Variants in ATM observed in about 807,000 individuals in gnomAD.
ATM encodes ATM serine/threonine kinase, also known as serine-protein kinase ATM.
ATM carries 308 observed loss-of-function variants against 387.0 expected under a neutral mutation model. That is an observed-to-expected ratio of 0.80 (90% CI 0.73 to 0.87). ATM has a LOEUF of 0.87. Among genes scored for constraint, ATM ranks in the 40% least tolerant of loss-of-function variants. The probability of loss-of-function intolerance (pLI) is 0.00; values close to 1 mark genes in which losing one functional copy is unlikely to be tolerated. For synonymous variants in ATM, 1,156 were observed against 1,187.3 expected (o/e 0.97, Z 0.54); for missense variants, 3,312 against 3,560.9 (o/e 0.93, Z 1.78).
At chr11:108,276,895 G>C (rs906604349) in intron 22 of ATM, among the ~76,000 whole-genome samples, 1 of 152,186 alleles carries the variant, frequency 6.6e-6, no homozygotes, top group Non-Finnish European at 1.5e-5. Flanking sequence ...CGAGCGCTGT[G>C]CTGGGAGATC....
At position 108,368,415 on chromosome 11, in the gene ATM, A is replaced by G. The variant is rs918162167; in HGVS notation, c.*2907A>G. On this transcript the variant is annotated 3_prime_UTR_variant, in exon 63 of 63. Transcript: ENST00000675843. Reference sequence around the variant, plus strand: ...ATATTAATCATAGAATAGTTGTTGTATGCTAAGTCACTGACCCATATTATG... The same window carrying G: ...ATATTAATCATAGAATAGTTGTTGTGTGCTAAGTCACTGACCCATATTATG... The G allele has an allele frequency of 4.7e-6, 1 of 210,948 alleles. No homozygotes were observed. Among genetic ancestry groups the G allele is most frequent in the African/African-American group, 2.3e-5 (1 of 44,062 alleles). The allele number at this position is 210,948 out of a possible 1,614,324, so 13.1% of individuals were successfully genotyped here. A position where few individuals can be genotyped will look rare whatever the true frequency, so the allele number is the denominator to read the frequency against.
Position 108,247,120 on chromosome 11 carries a change from G to A in ATM, c.1058G>A (p.Cys353Tyr), listed in dbSNP as rs1591511538. 1 of 1,613,664 alleles carries A rather than the reference G, an allele frequency of 6.2e-7. No individual in the cohort carries two copies. Among genetic ancestry groups the A allele is most frequent in the Middle Eastern group, 1.7e-4 (1 of 6,056 alleles). ...ENLIELMADICHQVFNEDTRS... is the reference protein window; with the variant it reads ...ENLIELMADIYHQVFNEDTRS... The stretch of plus-strand genomic sequence containing the variant: ...TTGATTGAATTGATGGCAGATATCT[G>A]TCACCAGGTACAGTAAGTAGGTCAT... Residue 353 changes from cysteine to tyrosine, a missense_variant, in exon 8 of 63, where the codon TGT (cysteine) becomes TAT (tyrosine). By Grantham distance (194) the Cys-to-Tyr change is radical. This residue lies in a region of ATM where 1,791 missense variants were observed against 1,804.5 expected (regional missense o/e 0.99). Coordinates refer to ENST00000675843, the MANE Select transcript of ATM (RefSeq NM_000051.4).
At chr11:108,351,893 C>A (rs1177028548) in intron 59 of ATM, among the ~76,000 whole-genome samples, 2 of 152,158 alleles carry the variant, frequency 1.3e-5, no homozygotes, top group African/African-American at 4.8e-5. Context: ...TTCTGACTCA[C>A]TCCTTGGTGT....
At chr11:108,260,750 T>C (rs1357986696) in intron 16 of ATM, among the ~76,000 whole-genome samples, 4 of 151,866 alleles carry the variant, frequency 2.6e-5, no homozygotes, top group Non-Finnish European at 5.9e-5. Flanking sequence ...CACTAGGGAG[T>C]GCCAGACAGT....
rs758973253 is a variant in ATM, at chr11:108,366,087, G to T, written c.*579G>T. 13 of 186,082 alleles carry T rather than the reference G, an allele frequency of 7.0e-5. No homozygotes were observed. Among genetic ancestry groups the T allele is most frequent in the Non-Finnish European group, 1.1e-4 (10 of 89,046 alleles). The allele number at this position is 186,082 out of a possible 1,614,324, so 11.5% of individuals were successfully genotyped here. ...GGATTTTTCCTAGTAAGATCACTCA[G>T]TGTTACTAAATAATGAAGTTGTTAT... On this transcript the variant is annotated 3_prime_UTR_variant, in exon 63 of 63. Coordinates refer to ENST00000675843, the MANE Select transcript of ATM (RefSeq NM_000051.4).
At chr11:108,234,681 A>G (rs1020459238) in intron 4 of ATM, among the ~76,000 whole-genome samples, 1 of 152,056 alleles carries the variant, frequency 6.6e-6, no homozygotes, top group Non-Finnish European at 1.5e-5. Flanking sequence ...TCTATGAAAA[A>G]TTTAAAAAAT....
intron 61 of ATM, among the ~76,000 whole-genome samples, chr11:108,360,461 T>C (rs566438339): frequency 8.0e-6 from 1 of 124,296 alleles, no homozygotes; most frequent in Non-Finnish European, 1.7e-5. Context: ...CCAGCATCAT[T>C]CTGATACCAA....
chr11:108,242,091 C>T (rs1175972831), intron 5 of ATM, among the ~76,000 whole-genome samples: 1 of 151,558 alleles, frequency 6.6e-6, no homozygotes, highest in African/African-American at 2.4e-5. Context: ...CAAATCTAGC[C>T]TGGGCAGTGT....
At chr11:108,348,968 T>C (rs2137139090) in intron 59 of ATM, among the ~76,000 whole-genome samples, 1 of 152,214 alleles carries the variant, frequency 6.6e-6, no homozygotes, top group East Asian at 1.9e-4. Context: ...GAAAAAGAAG[T>C]GTGAATGTAA....
At position 108,327,651 on chromosome 11, in the gene ATM, C is replaced by T. The variant is rs769606850; in HGVS notation, c.6982C>T (p.Pro2328Ser). 3.1e-6 allele frequency: 5 copies of T among 1,613,446 alleles called. No homozygotes were observed. In the South Asian group the frequency reaches 5.5e-5, roughly 18 times the overall value. Residue 2328 changes from proline to serine, a missense_variant, in exon 48 of 63, where the codon CCC becomes TCC. Transcript: ENST00000675843. ...KLDASCAANN[P>S]SLKLTYTECL... ...TTTTGCCTTTCTTATACAGAACAAT[C>T]CCAGCCTAAAACTTACATACACAGA...
intron 20 of ATM, among the ~76,000 whole-genome samples, chr11:108,272,077 G>A (rs1168146873): frequency 6.6e-6 from 1 of 152,118 alleles, no homozygotes; most frequent in Non-Finnish European, 1.5e-5. Context: ...GTTTCAACAC[G>A]TTGGCCAGGC....
rs56096834 is a variant in ATM at position 108,227,551 on chromosome 11, T to C, written c.-30-44T>C. 4.3e-4 allele frequency: 505 copies of C among 1,185,976 alleles called. 3 individuals carry two copies. In the African/African-American group the frequency reaches 7.1e-3, roughly 17 times the overall value. The allele number at this position is 1,185,976 out of a possible 1,614,324, so 73.5% of individuals were successfully genotyped here. Reference sequence around the variant, plus strand: ...ACACCTCTTTCTCTCTATATATGCATATATACATATACATATATATACCTA... The same window carrying C: ...ACACCTCTTTCTCTCTATATATGCACATATACATATACATATATATACCTA... On this transcript the variant is annotated intron_variant, in intron 1 of 62. Coordinates refer to ENST00000675843, the MANE Select transcript of ATM (RefSeq NM_000051.4).
rs781557991 is a variant in ATM, at chr11:108,335,989, C to T, written c.8268+28C>T. 2 of 1,531,610 alleles carry T rather than the reference C, an allele frequency of 1.3e-6. No individual in the cohort carries two copies. Among genetic ancestry groups the T allele is most frequent in the South Asian group, 1.1e-5 (1 of 89,316 alleles). 94.9% of individuals were successfully genotyped at this position (1,531,610 alleles called of 1,614,324 possible). A position where few individuals can be genotyped will look rare whatever the true frequency, so the allele number is the denominator to read the frequency against. On this transcript the variant is annotated intron_variant, in intron 56 of 62. Coordinates refer to ENST00000675843, the MANE Select transcript of ATM (RefSeq NM_000051.4). ...AACTATTTGTACTTCTGTTAGTTCA[C>T]CAAAAACATATAAAAGATGCCATTT...
intron 45 of ATM, among the ~76,000 whole-genome samples, chr11:108,324,007 C>G (rs1288994367): frequency 6.6e-6 from 1 of 152,048 alleles, no homozygotes; most frequent in Non-Finnish European, 1.5e-5. Flanking sequence ...AATTCTTTAT[C>G]TACAGGTTTC....
Position 108,364,543 on chromosome 11 carries a change from T to G in ATM, c.8851-539T>G, listed in dbSNP as rs145402901. On this transcript the variant is annotated intron_variant, in intron 61 of 62. Transcript: ENST00000675843. ...TGAGGAGGTTTCAACAAATTATACC[T>G]TTCTGGATCCACCCAGATTTAGAAC... 3.3e-4 allele frequency among the ~76,000 whole-genome samples: 51 copies of G among 152,272 alleles called. No homozygotes were observed. The East Asian group carries it at 9.8e-3, about 29-fold the overall frequency.
At chr11:108,341,920 T>A (rs2136900899) in intron 56 of ATM, among the ~76,000 whole-genome samples, 1 of 152,328 alleles carries the variant, frequency 6.6e-6, no homozygotes, top group Middle Eastern at 3.4e-3. Context: ...CAATATCTGG[T>A]TAACCGAGGT....
At chr11:108,249,376 G>A (rs1169564557) in intron 9 of ATM, among the ~76,000 whole-genome samples, 2 of 152,198 alleles carry the variant, frequency 1.3e-5, no homozygotes, top group African/African-American at 4.8e-5. Flanking sequence ...GCAATTAGAA[G>A]TGTGCACCTC....
intron 57 of ATM, among the ~76,000 whole-genome samples, chr11:108,344,297 GGT>G (rs1488783051): frequency 6.6e-6 from 1 of 152,126 alleles, no homozygotes; most frequent in East Asian, 1.9e-4. Flanking sequence ...CAGAGGAAAA[GGT>G]GTGTGAGCCG....
chr11:108,329,280 T>C, intron 49 of ATM, 42 bp downstream of exon 49: 1 of 1,520,792 alleles, frequency 6.6e-7, no homozygotes, highest in Non-Finnish European at 9.1e-7. Flanking sequence ...GTTCACCAGT[T>C]AACTGAGTGA....
Sources: gnomAD v4.1 joint callset for allele counts (sites outside exome capture counted in the v4.1 genomes callset) on GRCh38, gnomAD v4.1.1 for gene constraint, gnomAD v4.1.1 regional missense constraint, MANE v1.5 for transcripts, NCBI Gene and HGNC (gene_info 2026-07-23, HGNC 2026-07-21) for gene names.